Variants in NXPH1 observed in about 807,000 individuals in gnomAD.
The protein encoded by NXPH1 is neurexophilin-1.
In NXPH1, 5 loss-of-function variants were observed where a neutral mutation model predicts 23.7. The observed-to-expected ratio is 0.21, with a 90% CI of 0.11 to 0.44. The LOEUF is 0.44. Among genes scored for constraint, NXPH1 ranks in the 20% least tolerant of loss-of-function variants. The pLI is 0.99. For missense variants in NXPH1, 324 were observed against 321.6 expected, an observed-to-expected ratio of 1.01 and a Z score of -0.06; for synonymous variants, 144 against 122.2, an observed-to-expected ratio of 1.18 and a Z score of -1.18.
At chr7:8,592,350 T>C (rs778294466) in intron 2 of NXPH1, among the ~76,000 whole-genome samples, 12 of 152,004 alleles carry the variant, frequency 7.9e-5, no homozygotes, top group Non-Finnish European at 1.6e-4. Flanking sequence ...TTCTCCATAA[T>C]CCATGCATGA....
intron 2 of NXPH1, among the ~76,000 whole-genome samples, chr7:8,547,259 G>A (rs753926743): frequency 6.6e-6 from 1 of 151,358 alleles, no homozygotes; most frequent in African/African-American, 2.4e-5. Flanking sequence ...TGGCCTTAAC[G>A]TCATTGAAGT....
intron 2 of NXPH1, among the ~76,000 whole-genome samples, chr7:8,733,388 A>G (rs986499669): frequency 2.6e-5 from 4 of 152,214 alleles, no homozygotes; most frequent in Non-Finnish European, 5.9e-5. Flanking sequence ...CTTTGGATAT[A>G]TATACCCAGT....
intron 2 of NXPH1, among the ~76,000 whole-genome samples, chr7:8,639,050 T>C (rs116441530): frequency 0.054 from 8,209 of 152,258 alleles, 454 homozygotes; most frequent in East Asian, 0.17. Context: ...TGCTTAGTTT[T>C]TGGCATAGGG....
chr7:8,466,817 C>A (rs1816794208), intron 2 of NXPH1, among the ~76,000 whole-genome samples: 1 of 152,114 alleles, frequency 6.6e-6, no homozygotes, highest in African/African-American at 2.4e-5. Context: ...CCCCTCCCAC[C>A]CTGCCCAGCT....
chr7:8,735,504 A>T (rs1780233979), intron 2 of NXPH1, among the ~76,000 whole-genome samples: 1 of 152,174 alleles, frequency 6.6e-6, no homozygotes, highest in Admixed American at 6.5e-5. Flanking sequence ...ATCATGGTGG[A>T]TAAGCTTTTG....
Position 8,556,780 on chromosome 7 carries a change from C to G in NXPH1, c.54+121013C>G, listed in dbSNP as rs554572730. 1.4e-3 allele frequency among the ~76,000 whole-genome samples: 205 copies of G among 151,096 alleles called. No homozygotes were observed. The Middle Eastern group carries it at 0.014, about 10-fold the overall frequency. The stretch of plus-strand genomic sequence containing the variant: ...CACATTACATAAAGCATGGAAACCC[C>G]TTGGTAGTGAACTCTTTTCAAACCA... On this transcript the variant is annotated intron_variant, in intron 2 of 2. Coordinates refer to ENST00000405863, the MANE Select transcript of NXPH1 (RefSeq NM_152745.3).
intron 2 of NXPH1, among the ~76,000 whole-genome samples, chr7:8,482,599 T>C (rs1457637450): frequency 2.0e-5 from 3 of 152,194 alleles, no homozygotes; most frequent in Non-Finnish European, 4.4e-5. Flanking sequence ...AAATCAGGGG[T>C]GGAGAAGACT....
chr7:8,583,444 T>G (rs1165286527), intron 2 of NXPH1, among the ~76,000 whole-genome samples: 2 of 152,220 alleles, frequency 1.3e-5, no homozygotes, highest in Non-Finnish European at 2.9e-5. Context: ...ATCATAAGAT[T>G]ATGTGAATTT....
At chr7:8,706,307 A>G (rs901839941) in intron 2 of NXPH1, among the ~76,000 whole-genome samples, 3 of 152,206 alleles carry the variant, frequency 2.0e-5, no homozygotes, top group African/African-American at 7.2e-5. Context: ...GTGTGGAAGA[A>G]TATGTTAGAG....
intron 2 of NXPH1, among the ~76,000 whole-genome samples, chr7:8,507,862 C>G (rs1371215923): frequency 6.6e-6 from 1 of 152,008 alleles, no homozygotes; most frequent in African/African-American, 2.4e-5. Flanking sequence ...GGGCAGTAAG[C>G]TAATTTAAAG....
At chr7:8,477,802 T>C (rs1282316553) in intron 2 of NXPH1, among the ~76,000 whole-genome samples, 1 of 152,158 alleles carries the variant, frequency 6.6e-6, no homozygotes, top group Non-Finnish European at 1.5e-5. Flanking sequence ...TAGCCATTAT[T>C]GCTATTCTAT....
chr7:8,539,943 A>G (rs1275764068), intron 2 of NXPH1, among the ~76,000 whole-genome samples: 1 of 151,822 alleles, frequency 6.6e-6, no homozygotes, highest in Non-Finnish European at 1.5e-5. Context: ...TCTTATGAAT[A>G]TGTGCAAGAC....
chr7:8,491,775 A>G (rs1817251780), intron 2 of NXPH1, among the ~76,000 whole-genome samples: 1 of 152,098 alleles, frequency 6.6e-6, no homozygotes, highest in Non-Finnish European at 1.5e-5. Flanking sequence ...TGAAATATCT[A>G]CATTCATTTT....
intron 2 of NXPH1, among the ~76,000 whole-genome samples, chr7:8,655,457 C>T (rs1194800539): frequency 7.6e-6 from 1 of 130,776 alleles, no homozygotes; most frequent in African/African-American, 2.8e-5. Flanking sequence ...TCTATACACA[C>T]ACACACACAC....
chr7:8,539,295 A>G (rs1385745434), intron 2 of NXPH1, among the ~76,000 whole-genome samples: 1 of 151,816 alleles, frequency 6.6e-6, no homozygotes, highest in Non-Finnish European at 1.5e-5. Context: ...AAACTTGCAG[A>G]AAAACAGCTA....
Position 8,603,028 on chromosome 7 carries a change from C to T in NXPH1, c.55-147980C>T, listed in dbSNP as rs547298919. Among the ~76,000 whole-genome samples the T allele has an allele frequency of 2.0e-4, 30 of 152,234 alleles. No homozygotes were observed. The South Asian group carries it at 4.6e-3, about 23-fold the overall frequency. ...GTTTTACCATGTCGGTCAGGTTGGT[C>T]TCGAACTTCTAGCCTCAGGTGATCT... On this transcript the variant is annotated intron_variant, in intron 2 of 2. Transcript: ENST00000405863.
At chr7:8,607,233 T>C (rs1487553191) in intron 2 of NXPH1, among the ~76,000 whole-genome samples, 1 of 152,176 alleles carries the variant, frequency 6.6e-6, no homozygotes, top group Non-Finnish European at 1.5e-5. Flanking sequence ...ACAGTACTTA[T>C]ATATATTATT....
chr7:8,517,864 G>T (rs774684667), intron 2 of NXPH1, among the ~76,000 whole-genome samples: 1 of 152,158 alleles, frequency 6.6e-6, no homozygotes, highest in Non-Finnish European at 1.5e-5. Context: ...CTGAAGAACC[G>T]TTAGGAGTGA....
intron 2 of NXPH1, among the ~76,000 whole-genome samples, chr7:8,498,576 T>C (rs1817378132): frequency 6.6e-6 from 1 of 152,088 alleles, no homozygotes; most frequent in Non-Finnish European, 1.5e-5. Context: ...GGAAAGTTCT[T>C]TTCATATTGA....
Sources: allele counts gnomAD v4.1 joint callset (sites outside exome capture counted in the v4.1 genomes callset), GRCh38; gene constraint gnomAD v4.1.1; transcripts MANE v1.5; gene names NCBI Gene and HGNC (gene_info 2026-07-23, HGNC 2026-07-21).